EYA4: variants seen among roughly 807,000 people sequenced by gnomAD.
EYA4 encodes EYA transcriptional coactivator and phosphatase 4, also known as protein phosphatase EYA4.
A neutral mutation model predicts 87.9 loss-of-function variants in EYA4; 31 were observed. The ratio of observed to expected loss-of-function variants is 0.35; its 90% CI spans 0.27 to 0.48. EYA4 has a LOEUF of 0.48. Among genes scored for constraint, EYA4 ranks in the 20% least tolerant of loss-of-function variants. The pLI, the probability that EYA4 is intolerant of heterozygous loss-of-function variation, is 0.99. For missense variants in EYA4, 678 were observed against 761.4 expected (o/e 0.89, Z 1.29); for synonymous variants, 263 against 270.6 (o/e 0.97, Z 0.28).
chr6:133,347,033 G>A (rs150172493), intron 2 of EYA4, among the ~76,000 whole-genome samples: 1,930 of 152,266 alleles, frequency 0.013, 38 homozygotes, highest in African/African-American at 0.045. Flanking sequence ...AGATAATTGC[G>A]TTGTGTTATT....
chr6:133,478,859 T>G (rs1009444496), intron 11 of EYA4, among the ~76,000 whole-genome samples: 2 of 152,176 alleles, frequency 1.3e-5, no homozygotes, highest in African/African-American at 4.8e-5. Flanking sequence ...CCAGTTCATT[T>G]GAATAGCAGA....
intron 3 of EYA4, among the ~76,000 whole-genome samples, chr6:133,421,699 GAAC>G (rs941071699): frequency 1.8e-4 from 27 of 152,112 alleles, no homozygotes; most frequent in African/African-American, 6.3e-4. Context: ...AGCTAACTTT[GAAC>G]AACAACAGCT....
chr6:133,376,885 G>C (rs1785735048), intron 2 of EYA4, among the ~76,000 whole-genome samples: 1 of 151,828 alleles, frequency 6.6e-6, no homozygotes, highest in Non-Finnish European at 1.5e-5. Context: ...AAGCTTGAGG[G>C]GTGAATAGTA....
intron 3 of EYA4, among the ~76,000 whole-genome samples, chr6:133,427,519 CA>C (rs2128576073): frequency 1.3e-5 from 2 of 152,222 alleles, no homozygotes; most frequent in East Asian, 3.9e-4. Flanking sequence ...TGTATTTTGA[CA>C]GGGGTAAGGC....
intron 2 of EYA4, among the ~76,000 whole-genome samples, chr6:133,304,884 G>A (rs1779689185): frequency 6.6e-6 from 1 of 152,170 alleles, no homozygotes; most frequent in South Asian, 2.1e-4. Flanking sequence ...ATTTCTGAGT[G>A]TGGTGGTGAG....
In EYA4 at chr6:133,467,273, T is replaced by C. The variant is rs929118290; in HGVS notation, c.805-1293T>C. Among the ~76,000 whole-genome samples, 49 of 152,152 alleles carry C rather than the reference T, an allele frequency of 3.2e-4. 1 individual carries two copies. Among genetic ancestry groups the C allele is most frequent in the Non-Finnish European group, 8.8e-5 (6 of 68,010 alleles). The stretch of plus-strand genomic sequence containing the variant: ...ACTTAGGCACTCTGGGTTTAAATTC[T>C]AGCTCTGAAACTTACTAGCTGTGTG... On this transcript the variant is annotated intron_variant, in intron 10 of 19. Transcript: ENST00000355286.
intron 1 of EYA4, among the ~76,000 whole-genome samples, chr6:133,271,755 TGTTCATGG>T (rs1221449658): frequency 6.6e-6 from 1 of 152,184 alleles, no homozygotes; most frequent in African/African-American, 2.4e-5. Context: ...ATGGCCACTT[TGTTCATGG>T]GCCCATTGGG....
intron 2 of EYA4, among the ~76,000 whole-genome samples, chr6:133,366,211 C>T (rs74774391): frequency 0.09 from 13,662 of 152,208 alleles, 768 homozygotes; most frequent in East Asian, 0.15. Context: ...AAAGGGAGGA[C>T]TCAGTGACTC....
chr6:133,254,125 A>G (rs1775147521), intron 1 of EYA4, among the ~76,000 whole-genome samples: 1 of 152,210 alleles, frequency 6.6e-6, no homozygotes, highest in Non-Finnish European at 1.5e-5. Flanking sequence ...GTGGAAAAAC[A>G]GGTATGTCCG....
At chr6:133,241,050 G>A (rs1332821653), upstream of EYA4, among the ~76,000 whole-genome samples, 1 of 152,070 alleles carries the variant, frequency 6.6e-6, no homozygotes, top group Non-Finnish European at 1.5e-5. Flanking sequence ...GGGGCGGGGT[G>A]GGGGCGGCGC....
At chr6:133,404,332 A>G (rs211617) in intron 3 of EYA4, among the ~76,000 whole-genome samples, 131,352 of 152,210 alleles carry the variant, frequency 0.86, 57,604 homozygotes, top group Non-Finnish European at 0.95. Flanking sequence ...GATTAATAAC[A>G]TCATTCTGTC....
intron 11 of EYA4, among the ~76,000 whole-genome samples, chr6:133,475,776 T>C (rs1317353283): frequency 6.6e-6 from 1 of 152,114 alleles, no homozygotes; most frequent in Non-Finnish European, 1.5e-5. Context: ...TGTCAACAAA[T>C]GTTTAATGAC....
At position 133,531,233 on chromosome 6, in the gene EYA4, A is replaced by G. The variant is rs556844312; in HGVS notation, c.*2428A>G. 5.9e-6 allele frequency: 9 copies of G among 1,531,954 alleles called. No homozygotes were observed. In the South Asian group the frequency reaches 1.1e-4, roughly 18 times the overall value. 94.9% of individuals were successfully genotyped at this position (1,531,954 alleles called of 1,614,324 possible). A position where few individuals can be genotyped will look rare whatever the true frequency, so the allele number is the denominator to read the frequency against. ...GAAGAGGCTGCCGGCATAAAACCTA[A>G]ATGCAAGGTTGACGGAGAACAGCTT... On this transcript the variant is annotated 3_prime_UTR_variant, in exon 20 of 20. Coordinates refer to ENST00000355286, the MANE Select transcript of EYA4 (RefSeq NM_004100.5).
chr6:133,379,512 C>CT (rs1161778251), intron 2 of EYA4, among the ~76,000 whole-genome samples: 4 of 152,096 alleles, frequency 2.6e-5, no homozygotes, highest in African/African-American at 7.2e-5. Context: ...ATAAAATAAC[C>CT]TTTTTTGTCT....
At chr6:133,448,021 A>G (rs1793027423) in intron 4 of EYA4, 90 bp from the exon 5 acceptor site, 2 of 1,006,692 alleles carry the variant, frequency 2.0e-6, no homozygotes, top group Non-Finnish European at 3.1e-6. Context: ...TTTGGCTAAA[A>G]GGTCAGAAAC....
At chr6:133,465,702 T>C (rs937385742) in intron 10 of EYA4, among the ~76,000 whole-genome samples, 2 of 152,172 alleles carry the variant, frequency 1.3e-5, no homozygotes, top group African/African-American at 4.8e-5. Context: ...TATTTTACTT[T>C]AGTATAGTTG....
At chr6:133,486,899 C>A (rs1216221563) in intron 13 of EYA4, among the ~76,000 whole-genome samples, 1 of 152,230 alleles carries the variant, frequency 6.6e-6, no homozygotes, top group Non-Finnish European at 1.5e-5. Context: ...ATCCACACAA[C>A]ACAACCACCT....
At chr6:133,313,743 C>T (rs1332311395) in intron 2 of EYA4, among the ~76,000 whole-genome samples, 1 of 152,132 alleles carries the variant, frequency 6.6e-6, no homozygotes, top group African/African-American at 2.4e-5. Context: ...AATTCCCTGG[C>T]TTATTTTCCT....
At chr6:133,273,093 ATATG>A (rs1316398406) in intron 1 of EYA4, among the ~76,000 whole-genome samples, 1 of 117,020 alleles carries the variant, frequency 8.5e-6, no homozygotes, top group African/African-American at 4.4e-5. Context: ...GGAGATATAT[ATATG>A]TATATATATA....
Sources: gnomAD v4.1 joint callset for allele counts (sites outside exome capture counted in the v4.1 genomes callset) on GRCh38, gnomAD v4.1.1 for gene constraint, MANE v1.5 for transcripts, NCBI Gene and HGNC (gene_info 2026-07-23, HGNC 2026-07-21) for gene names.